Variants in TFEC observed in about 807,000 individuals in gnomAD.
TFEC encodes the protein class E basic helix-loop-helix protein 34.
TFEC carries 31 observed loss-of-function variants against 41.6 expected under a neutral mutation model. The observed-to-expected ratio is 0.74, with a 90% confidence interval of 0.56 to 1.01. The LOEUF is 1.01. TFEC is among the 50% of genes least tolerant of loss of function. The probability of loss-of-function intolerance (pLI) is 0.00; values close to 1 mark genes in which losing one functional copy is unlikely to be tolerated. For synonymous variants in TFEC, 143 were observed against 140.6 expected (o/e 1.02, Z -0.12); for missense variants, 402 against 404.1 (o/e 0.99, Z 0.04).
chr7:115,964,179 G>A (rs572730956), intron 3 of TFEC, among the ~76,000 whole-genome samples: 3 of 151,594 alleles, frequency 2.0e-5, no homozygotes, highest in East Asian at 3.9e-4. Context: ...ATATTACTTA[G>A]TAAATGTAAT....
chr7:116,010,022 A>G (rs1338260211), intron 1 of TFEC, among the ~76,000 whole-genome samples: 1 of 152,192 alleles, frequency 6.6e-6, no homozygotes, highest in African/African-American at 2.4e-5. Context: ...GGAAGTAACT[A>G]CATCAAGAGT....
chr7:115,962,765 A>T (rs1792628570), intron 3 of TFEC, among the ~76,000 whole-genome samples: 1 of 151,882 alleles, frequency 6.6e-6, no homozygotes. Context: ...CTACTGGCCG[A>T]TCATGTATTT....
At chr7:116,113,983 C>A (rs1038539411) in intron 1 of TFEC, among the ~76,000 whole-genome samples, 1 of 151,780 alleles carries the variant, frequency 6.6e-6, no homozygotes, top group African/African-American at 2.4e-5. Context: ...TAGAGAAGTA[C>A]ATAGAATGGA....
chr7:116,040,770 T>A (rs1049288831), intron 3 of TFEC, among the ~76,000 whole-genome samples: 1 of 152,186 alleles, frequency 6.6e-6, no homozygotes, highest in African/African-American at 2.4e-5. Flanking sequence ...CTCTGCCATT[T>A]GGGTCTCATC....
intron 1 of TFEC, among the ~76,000 whole-genome samples, chr7:116,141,465 A>G (rs1182431745): frequency 6.6e-6 from 1 of 152,250 alleles, no homozygotes; most frequent in East Asian, 1.9e-4. Flanking sequence ...CCTTCTAAAC[A>G]AGCCAACTCA....
Position 115,940,306 on chromosome 7 carries a change from C to A in TFEC, c.*245G>T. The A allele has an allele frequency of 2.6e-6, 1 of 384,204 alleles. No homozygotes were observed. Among genetic ancestry groups the A allele is most frequent in the Non-Finnish European group, 4.7e-6 (1 of 213,608 alleles). The allele number at this position is 384,204 out of a possible 1,614,324, so 23.8% of individuals were successfully genotyped here. ...TATGCTGTACCTCTTTTCAGGAAAA[C>A]AGAATTTAAGTGGATTTGGACTCCG... On this transcript the variant is annotated 3_prime_UTR_variant, in exon 8 of 8. Transcript: ENST00000265440.
intron 3 of TFEC, among the ~76,000 whole-genome samples, chr7:116,056,873 C>G (rs1356803189): frequency 6.6e-6 from 1 of 151,896 alleles, no homozygotes; most frequent in African/African-American, 2.4e-5. Context: ...AAGATCAAAA[C>G]TGACACAGAT....
chr7:116,052,548 A>C (rs1329924902), intron 3 of TFEC, among the ~76,000 whole-genome samples: 1 of 151,464 alleles, frequency 6.6e-6, no homozygotes, highest in Admixed American at 6.6e-5. Context: ...CCTGCCTCAG[A>C]CTCCCGAGTA....
At chr7:115,946,396 CGT>C (rs3028673) in intron 6 of TFEC, among the ~76,000 whole-genome samples, 19,650 of 122,634 alleles carry the variant, frequency 0.16, 1,404 homozygotes, top group Non-Finnish European at 0.19. Context: ...AGAAACATAA[CGT>C]GTGTGTGTGT....
In TFEC at chr7:116,069,687, A is replaced by T. The variant is rs191800618; in HGVS notation, c.198+41021T>A. ...CCAGCAATGTATTAATCAGTAGTTG[A>T]GCAATCTTCCCACTTTTCTCCTTCC... On this transcript the variant is annotated intron_variant, in intron 3 of 8. Coordinates refer to the TFEC transcript ENST00000484212. Among the ~76,000 whole-genome samples the T allele has an allele frequency of 2.6e-5, 4 of 151,856 alleles. No homozygotes were observed. In the East Asian group the frequency reaches 7.7e-4, roughly 29 times the overall value.
chr7:115,950,462 T>C (rs1280151279), intron 6 of TFEC, among the ~76,000 whole-genome samples: 2 of 152,116 alleles, frequency 1.3e-5, no homozygotes, highest in Non-Finnish European at 2.9e-5. Flanking sequence ...GTCTCCAAAA[T>C]TCGGGGACCT....
At chr7:115,971,880 A>C (rs1190264481) in intron 3 of TFEC, among the ~76,000 whole-genome samples, 1 of 152,060 alleles carries the variant, frequency 6.6e-6, no homozygotes, top group Non-Finnish European at 1.5e-5. Flanking sequence ...ATACAATATT[A>C]CTTAGGGATT....
chr7:116,014,909 T>A (rs914284794), intron 1 of TFEC, among the ~76,000 whole-genome samples: 8 of 152,086 alleles, frequency 5.3e-5, no homozygotes, highest in Non-Finnish European at 1.2e-4. Context: ...CACATATTTC[T>A]CTAGAGCCTC....
chr7:116,116,463 C>G (rs955552877), intron 1 of TFEC, among the ~76,000 whole-genome samples: 3 of 151,712 alleles, frequency 2.0e-5, no homozygotes, highest in African/African-American at 7.3e-5. Context: ...AGTGTTACAC[C>G]AATGAAAAAG....
chr7:115,994,335 C>G (rs929181727), intron 1 of TFEC, among the ~76,000 whole-genome samples: 4 of 146,708 alleles, frequency 2.7e-5, no homozygotes, highest in African/African-American at 9.8e-5. Context: ...GCAATGGCAA[C>G]AAAAGCCAAA....
Position 116,141,603 on chromosome 7 carries a change from C to A in TFEC, c.-69+18187G>T, listed in dbSNP as rs192047390. On this transcript the variant is annotated intron_variant, in intron 1 of 8. Coordinates refer to the TFEC transcript ENST00000484212. ...TTTAGAAAAGAATGTTAATGACCAC[C>A]ATCCAAAGACCACTGGAAGCACAGA... is the stretch of plus-strand genomic sequence containing the variant. Among the ~76,000 whole-genome samples the A allele has an allele frequency of 4.3e-3, 651 of 152,234 alleles. 1 individual carries two copies. The highest frequency in any genetic ancestry group is 0.015 in the African/African-American group (618 of 41,544).
chr7:115,992,997 T>C (rs920986182), intron 1 of TFEC, among the ~76,000 whole-genome samples: 3 of 152,200 alleles, frequency 2.0e-5, no homozygotes, highest in African/African-American at 7.2e-5. Flanking sequence ...ATTAAAAAGC[T>C]TATCCACCAC....
chr7:115,988,207 G>C (rs1793944214), intron 1 of TFEC, among the ~76,000 whole-genome samples: 1 of 152,002 alleles, frequency 6.6e-6, no homozygotes, highest in Non-Finnish European at 1.5e-5. Context: ...AAAAAACATG[G>C]TTTGAAGAAG....
intron 3 of TFEC, among the ~76,000 whole-genome samples, chr7:116,081,811 G>C (rs1404004700): frequency 6.6e-6 from 1 of 152,042 alleles, no homozygotes; most frequent in Non-Finnish European, 1.5e-5. Context: ...TTAATTTGTA[G>C]CTTTTCGAAC....
Sources: gnomAD v4.1 joint callset for allele counts (sites outside exome capture counted in the v4.1 genomes callset) on GRCh38, gnomAD v4.1.1 for gene constraint, MANE v1.5 for transcripts, NCBI Gene and HGNC (gene_info 2026-07-23, HGNC 2026-07-21) for gene names.